The following CACNG2 variants were observed in gnomAD, a reference collection of about 807,000 sequenced individuals.
CACNG2 encodes calcium voltage-gated channel auxiliary subunit gamma 2, also known as voltage-dependent calcium channel gamma-2 subunit.
A neutral mutation model predicts 25.9 loss-of-function variants in CACNG2; 3 were observed. The ratio of observed to expected loss-of-function variants is 0.12; its 90% CI spans 0.05 to 0.30. The LOEUF is 0.30. Ranked by LOEUF, CACNG2 falls within the 10% of genes least tolerant of loss-of-function variation. The pLI is 1.00. For missense variants in CACNG2, 341 were observed against 432.5 expected, an observed-to-expected ratio of 0.79 and a Z score of 1.88; for synonymous variants, 167 against 173.3, an observed-to-expected ratio of 0.96 and a Z score of 0.29.
intron 1 of CACNG2, among the ~76,000 whole-genome samples, chr22:36,615,823 T>A (rs889728628): frequency 6.6e-5 from 10 of 152,060 alleles, no homozygotes; most frequent in African/African-American, 2.4e-4. Context: ...CACAATAGTG[T>A]TAGTTAAAAA....
At chr22:36,654,814 G>T (rs1392485229) in intron 1 of CACNG2, among the ~76,000 whole-genome samples, 1 of 152,132 alleles carries the variant, frequency 6.6e-6, no homozygotes, top group Non-Finnish European at 1.5e-5. Context: ...TCTAGTTATC[G>T]AAAACAAGTT....
intron 1 of CACNG2, among the ~76,000 whole-genome samples, chr22:36,673,258 T>G (rs184546716): frequency 6.6e-6 from 1 of 151,876 alleles, no homozygotes; most frequent in Non-Finnish European, 1.5e-5. Flanking sequence ...GTTGAAGGAC[T>G]GAAGGAATGA....
chr22:36,617,577 G>C (rs73415616), intron 1 of CACNG2, among the ~76,000 whole-genome samples: 3,274 of 149,654 alleles, frequency 0.022, 124 homozygotes, highest in African/African-American at 0.078. Context: ...TGCCCCATAG[G>C]CTTATTATAA....
intron 1 of CACNG2, among the ~76,000 whole-genome samples, chr22:36,610,832 G>A (rs1935929150): frequency 6.6e-6 from 1 of 152,190 alleles, no homozygotes; most frequent in South Asian, 2.1e-4. Flanking sequence ...AGAGGTAGGG[G>A]TTCTTGGGGA....
intron 1 of CACNG2, among the ~76,000 whole-genome samples, chr22:36,624,638 G>A (rs1936156377): frequency 1.3e-5 from 2 of 152,030 alleles, no homozygotes; most frequent in Admixed American, 1.3e-4. Context: ...CTAGTTCTTT[G>A]GGAAAGGTCT....
intron 1 of CACNG2, among the ~76,000 whole-genome samples, chr22:36,638,275 G>T (rs1936389260): frequency 6.6e-6 from 1 of 152,162 alleles, no homozygotes; most frequent in South Asian, 2.1e-4. Context: ...CAGAACAGGA[G>T]CAGATTGACG....
At chr22:36,617,532 T>C (rs1687260996) in intron 1 of CACNG2, among the ~76,000 whole-genome samples, 2 of 151,638 alleles carry the variant, frequency 1.3e-5, no homozygotes, top group Admixed American at 1.3e-4. Context: ...AATCTGAGTC[T>C]GTTTCCTCAT....
chr22:36,648,387 G>A (rs2145972892), intron 1 of CACNG2, among the ~76,000 whole-genome samples: 1 of 152,328 alleles, frequency 6.6e-6, no homozygotes, highest in African/African-American at 2.4e-5. Flanking sequence ...CAACGTGGTA[G>A]GTCCTAGACA....
chr22:36,695,070 G>C (rs1360982085), intron 1 of CACNG2, among the ~76,000 whole-genome samples: 1 of 152,082 alleles, frequency 6.6e-6, no homozygotes, highest in Non-Finnish European at 1.5e-5. Context: ...TTAAAAATGA[G>C]CCCGGTGTGG....
At chr22:36,585,186 C>T (rs1328113126) in intron 2 of CACNG2, 2 of 152,214 alleles carry the variant, frequency 1.3e-5, no homozygotes, top group Non-Finnish European at 2.9e-5. Flanking sequence ...TGGGACATAG[C>T]TCTGCCTTCA....
chr22:36,594,341 A>G (rs1350141152), intron 1 of CACNG2, among the ~76,000 whole-genome samples: 3 of 152,238 alleles, frequency 2.0e-5, no homozygotes, highest in Non-Finnish European at 4.4e-5. Context: ...AGAAGGAGGT[A>G]TGAGGCCTTA....
intron 2 of CACNG2, among the ~76,000 whole-genome samples, chr22:36,577,650 GA>G (rs544986089): frequency 0.064 from 7,278 of 114,430 alleles, 216 homozygotes; most frequent in Middle Eastern, 0.095. Context: ...CTCCGTCTTG[GA>G]AAAAAAAAAA....
At chr22:36,569,840 G>A (rs1394962380) in intron 2 of CACNG2, among the ~76,000 whole-genome samples, 3 of 151,974 alleles carry the variant, frequency 2.0e-5, no homozygotes, top group African/African-American at 4.8e-5. Context: ...GCGCCCGGCC[G>A]TTAGATAGTT....
intron 1 of CACNG2, among the ~76,000 whole-genome samples, chr22:36,634,290 C>T (rs1297596948): frequency 6.6e-6 from 1 of 152,176 alleles, no homozygotes; most frequent in African/African-American, 2.4e-5. Flanking sequence ...GGATGTATGT[C>T]ACTTCTAAGC....
chr22:36,585,814 ACTCTATG>A (rs1423423460), intron 2 of CACNG2, among the ~76,000 whole-genome samples: 2 of 152,120 alleles, frequency 1.3e-5, no homozygotes, highest in African/African-American at 2.4e-5. Flanking sequence ...TGAACCAAAT[ACTCTATG>A]CTCTATGCTC....
At chr22:36,595,364 C>A (rs1176794004) in intron 1 of CACNG2, among the ~76,000 whole-genome samples, 1 of 152,196 alleles carries the variant, frequency 6.6e-6, no homozygotes, top group Non-Finnish European at 1.5e-5. Context: ...AGTGTCTTCC[C>A]AGCTCTCGTT....
intron 1 of CACNG2, among the ~76,000 whole-genome samples, chr22:36,632,624 C>A (rs898674833): frequency 1.3e-5 from 2 of 151,952 alleles, no homozygotes; most frequent in African/African-American, 4.8e-5. Flanking sequence ...TATCTGTCCT[C>A]ATCTTACTTG....
intron 1 of CACNG2, among the ~76,000 whole-genome samples, chr22:36,591,979 G>A (rs992944562): frequency 6.6e-6 from 1 of 152,094 alleles, no homozygotes; most frequent in Non-Finnish European, 1.5e-5. Flanking sequence ...AAGCGAGAGT[G>A]GGAGACAGTG....
chr22:36,581,065 C>T lies in CACNG2; in HGVS notation c.295+6400G>A, dbSNP rs574982601. On this transcript the variant is annotated intron_variant, in intron 2 of 3. Coordinates refer to ENST00000300105, the MANE Select transcript of CACNG2 (RefSeq NM_006078.5). Reference sequence around the variant, plus strand: ...AGTCACACCCCGGTCACCACAGCCTCGTTCCTCACCACGCTCCTTAATCTT... The same window carrying T: ...AGTCACACCCCGGTCACCACAGCCTTGTTCCTCACCACGCTCCTTAATCTT... Among the ~76,000 whole-genome samples the T allele has an allele frequency of 7.4e-4, 112 of 152,290 alleles. 1 individual carries two copies. The highest frequency in any genetic ancestry group is 3.4e-3 in the Middle Eastern group (1 of 294).
Sources: allele counts gnomAD v4.1 joint callset (sites outside exome capture counted in the v4.1 genomes callset), GRCh38; gene constraint gnomAD v4.1.1; transcripts MANE v1.5; gene names NCBI Gene and HGNC (gene_info 2026-07-23, HGNC 2026-07-21).